TLE1: variants seen among roughly 807,000 people sequenced by gnomAD.
TLE1 encodes TLE family member 1, transcriptional corepressor, also known as transducin-like enhancer protein 1.
Under a neutral mutation model 89.8 loss-of-function variants are expected in TLE1, and 21 were observed. The observed-to-expected ratio is 0.23, with a 90% CI of 0.17 to 0.34. The LOEUF is 0.34. TLE1 is among the 10% of genes least tolerant of loss of function. TLE1 has a pLI of 1.00. For synonymous variants in TLE1, 447 were observed against 407.6 expected (o/e 1.10, Z -1.16); for missense variants, 795 against 1,031.2 (o/e 0.77, Z 3.14).
chr9:81,615,119 A>AAAAAAAAAG (rs1563972810), intron 11 of TLE1, among the ~76,000 whole-genome samples: 1 of 81,316 alleles, frequency 1.2e-5, no homozygotes, highest in African/African-American at 5.5e-5. Context: ...AAAAAAAAAA[A>AAAAAAAAAG]AAGAAGAAGA....
chr9:81,585,902 T>C (rs919858132), intron 17 of TLE1, among the ~76,000 whole-genome samples: 3 of 152,036 alleles, frequency 2.0e-5, no homozygotes, highest in East Asian at 1.9e-4. Flanking sequence ...CTAATAATAA[T>C]GGCATTCATC....
At chr9:81,627,942 G>A (rs1826100066) in intron 8 of TLE1, among the ~76,000 whole-genome samples, 1 of 152,126 alleles carries the variant, frequency 6.6e-6, no homozygotes, top group African/African-American at 2.4e-5. Flanking sequence ...ACCAAGGCTG[G>A]GTGCGGTGGC....
At chr9:81,654,778 T>C (rs58039255) in intron 4 of TLE1, among the ~76,000 whole-genome samples, 2,994 of 152,292 alleles carry the variant, frequency 0.02, 109 homozygotes, top group African/African-American at 0.068. Flanking sequence ...CCTAAGGTGA[T>C]AGAGTAGAAG....
At chr9:81,648,060 T>C (rs1255931396) in intron 6 of TLE1, among the ~76,000 whole-genome samples, 2 of 151,884 alleles carry the variant, frequency 1.3e-5, no homozygotes, top group Non-Finnish European at 2.9e-5. Flanking sequence ...TCACCTAAGT[T>C]TGGGAGTTCA....
Position 81,585,629 on chromosome 9 carries a change from G to A in TLE1, c.2004C>T (p.Thr668=), listed in dbSNP as rs2229270. 4.1e-5 allele frequency: 66 copies of A among 1,613,800 alleles called. No homozygotes were observed. The highest frequency in any genetic ancestry group is 6.7e-5 in the East Asian group (3 of 44,862). Residue 668 remains threonine (T), a synonymous_variant, in exon 18 of 20, where the codon ACC becomes ACT. Transcript: ENST00000376499. ...SQIFSLGYCP[T]GEWLAVGMES... is the part of the protein sequence containing the mutation. ...CCATGCCCACTGCCAGCCACTCCCC[G>A]GTGGGGCAGTACCCCAGGGAGAAGA...
intron 8 of TLE1, among the ~76,000 whole-genome samples, chr9:81,629,134 C>T (rs1161233588): frequency 3.9e-5 from 6 of 152,092 alleles, no homozygotes; most frequent in South Asian, 2.1e-4. Context: ...AAACAGTACT[C>T]GGGCACATAG....
intron 8 of TLE1, among the ~76,000 whole-genome samples, chr9:81,628,126 T>C (rs1166466965): frequency 6.6e-6 from 1 of 152,172 alleles, no homozygotes; most frequent in Non-Finnish European, 1.5e-5. Context: ...CTGCATTGAA[T>C]GTAATGAATG....
intron 13 of TLE1, among the ~76,000 whole-genome samples, chr9:81,610,652 T>C (rs1587952730): frequency 6.6e-6 from 1 of 152,096 alleles, no homozygotes; most frequent in Non-Finnish European, 1.5e-5. Flanking sequence ...AAACAGTTCT[T>C]TTCTTTGTTA....
chr9:81,627,452 T>C lies in TLE1; in HGVS notation c.594+5896A>G, dbSNP rs144529346. Among the ~76,000 whole-genome samples the C allele has an allele frequency of 1.9e-3, 282 of 152,230 alleles. 1 individual carries two copies. The highest frequency in any genetic ancestry group is 5.8e-3 in the South Asian group (28 of 4,824). On this transcript the variant is annotated intron_variant, in intron 8 of 19. Transcript: ENST00000376499. ...TGCATCCACAGTAAACAGACACCTCTACCTGGTACAGGCTCCTGACAATCT... is the reference window on the plus strand; with the variant it reads ...TGCATCCACAGTAAACAGACACCTCCACCTGGTACAGGCTCCTGACAATCT...
chr9:81,627,933 C>G (rs999546820), intron 8 of TLE1, among the ~76,000 whole-genome samples: 1 of 151,990 alleles, frequency 6.6e-6, no homozygotes, highest in Non-Finnish European at 1.5e-5. Flanking sequence ...GGAGAGAAAA[C>G]CAAGGCTGGG....
intron 8 of TLE1, among the ~76,000 whole-genome samples, chr9:81,624,743 G>A (rs1406912510): frequency 1.3e-5 from 2 of 151,910 alleles, no homozygotes; most frequent in African/African-American, 4.8e-5. Context: ...AAGGACTGAG[G>A]TTTCTAGACT....
At chr9:81,682,835 G>A (rs1175874235) in intron 4 of TLE1, among the ~76,000 whole-genome samples, 1 of 152,002 alleles carries the variant, frequency 6.6e-6, no homozygotes, top group East Asian at 1.9e-4. Context: ...ATCTATAAAG[G>A]GCTCCAAGAA....
chr9:81,668,639 C>T (rs989695369), intron 4 of TLE1, among the ~76,000 whole-genome samples: 32 of 152,056 alleles, frequency 2.1e-4, no homozygotes, highest in South Asian at 2.1e-4. Flanking sequence ...AAAAAAGTGT[C>T]GTATGGGACA....
chr9:81,601,378 G>A (rs1830903584), intron 14 of TLE1, among the ~76,000 whole-genome samples: 1 of 152,168 alleles, frequency 6.6e-6, no homozygotes, highest in African/African-American at 2.4e-5. Context: ...AAACCAAAAA[G>A]GTACTTTAAA....
At chr9:81,677,240 C>A (rs907459380) in intron 4 of TLE1, among the ~76,000 whole-genome samples, 2 of 141,726 alleles carry the variant, frequency 1.4e-5, no homozygotes, top group African/African-American at 5.3e-5. Flanking sequence ...TCGTCTTCCC[C>A]CCCCCAAAAA....
At chr9:81,655,794 G>A (rs529768053) in intron 4 of TLE1, among the ~76,000 whole-genome samples, 2 of 150,784 alleles carry the variant, frequency 1.3e-5, no homozygotes, top group Non-Finnish European at 3.0e-5. Flanking sequence ...TCGAGCCTGC[G>A]GTGAGCTGAG....
At chr9:81,642,647 C>T (rs540271422) in intron 6 of TLE1, among the ~76,000 whole-genome samples, 11 of 151,620 alleles carry the variant, frequency 7.3e-5, no homozygotes, top group African/African-American at 2.2e-4. Context: ...TGAGCCAACA[C>T]GGTGCCACTG....
Position 81,616,138 on chromosome 9 carries a change from A to C in TLE1, c.766-4T>G. 3 of 1,596,844 alleles carry C rather than the reference A, an allele frequency of 1.9e-6. No homozygotes were observed. Among genetic ancestry groups the C allele is most frequent in the Non-Finnish European group, 1.7e-6 (2 of 1,175,136 alleles). On this transcript the variant is annotated splice_polypyrimidine_tract_variant and splice_region_variant and intron_variant, in intron 10 of 19. Transcript: ENST00000376499. ...TTGCTCGCGGAGAAGAAGGGTCCTC[A>C]ACAAGCATAATCAAAAGTTTTCGTG...
chr9:81,669,260 C>T lies in TLE1; in HGVS notation c.235-15224G>A, dbSNP rs536187038. ...AGAGGAAAATCGAAGGCTGTGAGAA[C>T]GCTGCAAATGGCTTGACCTCAGACC... On this transcript the variant is annotated intron_variant, in intron 4 of 19. Transcript: ENST00000376499. Among the ~76,000 whole-genome samples the T allele has an allele frequency of 9.8e-5, 15 of 152,310 alleles. No homozygotes were observed. The South Asian group carries it at 1.7e-3, about 17-fold the overall frequency.
Sources: allele counts gnomAD v4.1 joint callset (sites outside exome capture counted in the v4.1 genomes callset), GRCh38; gene constraint gnomAD v4.1.1; transcripts MANE v1.5; gene names NCBI Gene and HGNC (gene_info 2026-07-23, HGNC 2026-07-21).